The following MIA2 variants were observed in gnomAD, a reference collection of about 807,000 sequenced individuals.
The protein encoded by MIA2 is MIA SH3 domain ER export factor 2.
Under a neutral mutation model 167.8 loss-of-function variants are expected in MIA2, and 127 were observed. That is an observed-to-expected ratio of 0.76 (90% CI 0.66 to 0.88). The LOEUF (loss-of-function observed/expected upper bound fraction) is 0.88. Ranked by LOEUF, MIA2 falls within the 40% of genes least tolerant of loss-of-function variation. The pLI, the probability that MIA2 is intolerant of heterozygous loss-of-function variation, is 0.00. For synonymous variants in MIA2, 552 were observed against 541.9 expected (o/e 1.02, Z -0.26); for missense variants, 1,690 against 1,624.7 (o/e 1.04, Z -0.69).
intron 6 of MIA2, among the ~76,000 whole-genome samples, chr14:39,275,005 A>G (rs2057745847): frequency 6.7e-6 from 1 of 148,518 alleles, no homozygotes; most frequent in Non-Finnish European, 1.5e-5. Flanking sequence ...AACCCAGGAG[A>G]CGGAGGTTGC....
chr14:39,282,764 G>T (rs950435651), intron 9 of MIA2, among the ~76,000 whole-genome samples: 1 of 151,948 alleles, frequency 6.6e-6, no homozygotes, highest in Non-Finnish European at 1.5e-5. Context: ...GTAGAGATGG[G>T]GTCTCCCTAT....
intron 18 of MIA2, 109 bp downstream of exon 18, chr14:39,308,696 A>G (rs1010616718): frequency 1.7e-5 from 15 of 890,936 alleles, no homozygotes; most frequent in Non-Finnish European, 2.5e-5. Context: ...TTATGATTAG[A>G]TTGTATTTCA....
chr14:39,379,060 C>G (rs1484543627), intron 23 of MIA2, among the ~76,000 whole-genome samples: 1 of 152,126 alleles, frequency 6.6e-6, no homozygotes, highest in Non-Finnish European at 1.5e-5. Flanking sequence ...AAACCTGTCT[C>G]TCAAATCTTA....
At chr14:39,288,549 A>T (rs1198045093) in intron 9 of MIA2, among the ~76,000 whole-genome samples, 1 of 144,338 alleles carries the variant, frequency 6.9e-6, no homozygotes, top group Non-Finnish European at 1.5e-5. Flanking sequence ...ATCTCAGCAC[A>T]CTGCAACCTC....
intron 23 of MIA2, among the ~76,000 whole-genome samples, chr14:39,363,025 G>T (rs532450487): frequency 6.6e-6 from 1 of 152,086 alleles, no homozygotes; most frequent in African/African-American, 2.4e-5. Context: ...TATTTGTATA[G>T]TTTCCAAAGT....
At chr14:39,385,700 G>GT in intron 23 of MIA2, 2 of 981,856 alleles carry the variant, frequency 2.0e-6, no homozygotes, top group South Asian at 1.3e-5. Context: ...GCTGCTAACA[G>GT]TGGTAACAGA....
intron 2 of MIA2, among the ~76,000 whole-genome samples, chr14:39,238,811 A>AAAAAAAAAAAAAAAACC: frequency 9.7e-6 from 1 of 103,608 alleles, no homozygotes; most frequent in African/African-American, 3.9e-5. Context: ...AAAAAAAAAA[A>AAAAAAAAAAAAAAAACC]CCCAAAAAAC....
At chr14:39,344,619 C>T (rs2072793643) in intron 25 of MIA2, among the ~76,000 whole-genome samples, 1 of 152,122 alleles carries the variant, frequency 6.6e-6, no homozygotes, top group African/African-American at 2.4e-5. Context: ...AATAAGGTCC[C>T]CTGTGGCAGA....
In MIA2 at chr14:39,347,531, T is replaced by C. The variant is rs2073561084; in HGVS notation, c.3779-182T>C. 7 of 592,494 alleles carry C rather than the reference T, an allele frequency of 1.2e-5. No individual in the cohort carries two copies. The South Asian group carries it at 1.4e-4, about 12-fold the overall frequency. 36.7% of individuals were successfully genotyped at this position (592,494 alleles called of 1,614,324 possible). A position where few individuals can be genotyped will look rare whatever the true frequency, so the allele number is the denominator to read the frequency against. ...ATTGCCACATGCCATCATAGAACTC[T>C]GAGTCTGCCAGAATTTCTAGGGACC... On this transcript the variant is annotated intron_variant, in intron 26 of 28. Transcript: ENST00000640607.
chr14:39,243,747 T>C (rs1594639572), intron 3 of MIA2, among the ~76,000 whole-genome samples: 1 of 152,150 alleles, frequency 6.6e-6, no homozygotes, highest in East Asian at 1.9e-4. Flanking sequence ...GCGCCTGTTT[T>C]CCCAGCTACT....
chr14:39,320,602 A>C (rs576525431), intron 23 of MIA2, among the ~76,000 whole-genome samples: 2 of 152,328 alleles, frequency 1.3e-5, no homozygotes, highest in East Asian at 3.9e-4. Flanking sequence ...CCAAAAAAAA[A>C]TCTAACTTTA....
intron 2 of MIA2, 64 bp from the exon 3 acceptor site, chr14:39,240,497 G>C: frequency 7.9e-7 from 1 of 1,273,516 alleles, no homozygotes; most frequent in Non-Finnish European, 1.1e-6. Flanking sequence ...GACAAAATTA[G>C]GTTCAATAAT....
chr14:39,242,146 C>T (rs2054071564), intron 3 of MIA2, among the ~76,000 whole-genome samples: 1 of 152,132 alleles, frequency 6.6e-6, no homozygotes, highest in East Asian at 1.9e-4. Flanking sequence ...AGCATACATT[C>T]ATTATATGCA....
chr14:39,280,490 T>C (rs2152757381), intron 9 of MIA2, among the ~76,000 whole-genome samples: 1 of 152,222 alleles, frequency 6.6e-6, no homozygotes, highest in African/African-American at 2.4e-5. Context: ...CCCAGCACTT[T>C]GGGAGGCTGA....
At chr14:39,248,687 A>G (rs1375157675) in intron 4 of MIA2, among the ~76,000 whole-genome samples, 1 of 152,028 alleles carries the variant, frequency 6.6e-6, no homozygotes, top group Non-Finnish European at 1.5e-5. Context: ...GCCCAATAAC[A>G]CCTTCCCAAT....
intron 6 of MIA2, chr14:39,276,700 T>G (rs2058050353): frequency 2.4e-6 from 1 of 424,676 alleles, no homozygotes; most frequent in South Asian, 2.6e-5. Context: ...CCTTGGAAAC[T>G]TTAAGTCACC....
At chr14:39,260,054 C>T (rs905927088) in intron 6 of MIA2, among the ~76,000 whole-genome samples, 4 of 152,134 alleles carry the variant, frequency 2.6e-5, no homozygotes, top group Non-Finnish European at 5.9e-5. Context: ...TTTTTTATGG[C>T]TGCATAGTAT....
intron 13 of MIA2, among the ~76,000 whole-genome samples, chr14:39,296,869 G>A (rs937936810): frequency 6.6e-6 from 1 of 151,314 alleles, no homozygotes; most frequent in Non-Finnish European, 1.5e-5. Flanking sequence ...TCCACCTCCC[G>A]CGTTCAAGTG....
chr14:39,361,271 G>C (rs979684726), intron 23 of MIA2, among the ~76,000 whole-genome samples: 1 of 152,096 alleles, frequency 6.6e-6, no homozygotes, highest in Non-Finnish European at 1.5e-5. Context: ...TTCCAATCCT[G>C]TGATGATGGG....
Sources: gnomAD v4.1 joint callset for allele counts (sites outside exome capture counted in the v4.1 genomes callset) on GRCh38, gnomAD v4.1.1 for gene constraint, MANE v1.5 for transcripts, NCBI Gene and HGNC (gene_info 2026-07-23, HGNC 2026-07-21) for gene names.